Variants in LRBA observed in about 807,000 individuals in gnomAD.
LRBA encodes the protein LPS responsive beige-like anchor protein, also known as lipopolysaccharide-responsive and beige-like anchor protein.
LRBA carries 176 observed loss-of-function variants against 330.0 expected under a neutral mutation model. The observed-to-expected ratio is 0.53, with a 90% confidence interval of 0.47 to 0.60. The LOEUF (loss-of-function observed/expected upper bound fraction) is 0.60, where lower values mean the gene tolerates loss of function less well. LRBA is among the 20% of genes least tolerant of loss of function. The pLI, the probability that LRBA is intolerant of heterozygous loss-of-function variation, is 0.00. For missense variants in LRBA, 3,259 were observed against 3,444.8 expected (o/e 0.95, Z 1.35); for synonymous variants, 1,230 against 1,193.0 (o/e 1.03, Z -0.64).
chr4:150,937,265 A>G (rs553500976), intron 2 of LRBA, among the ~76,000 whole-genome samples: 1 of 152,244 alleles, frequency 6.6e-6, no homozygotes, highest in African/African-American at 2.4e-5. Context: ...GGTCTACAGT[A>G]TGTCATGTTA....
At chr4:150,817,318 GA>G in intron 30 of LRBA, 61 bp from the exon 31 acceptor site, 1 of 1,480,884 alleles carries the variant, frequency 6.8e-7, no homozygotes. Context: ...TTAATTACAT[GA>G]ATTTCAAAAC....
In LRBA at chr4:150,504,261, G is replaced by A. The variant is rs181944553; in HGVS notation, c.6331-13226C>T. ...AGAGAACGCCACAAAGATACTCCTC[G>A]AGAAGAGCAACTCCAAGACCCATAA... On this transcript the variant is annotated intron_variant, in intron 40 of 56. Transcript: ENST00000651943. Among the ~76,000 whole-genome samples, 640 of 152,164 alleles carry A rather than the reference G, an allele frequency of 4.2e-3. 4 individuals carry two copies. Among genetic ancestry groups the A allele is most frequent in the African/African-American group, 0.014 (574 of 41,498 alleles).
chr4:150,747,926 G>C lies in LRBA; in HGVS notation c.5646-12560C>G, dbSNP rs557259794. Among the ~76,000 whole-genome samples, 4 of 152,182 alleles carry C rather than the reference G, an allele frequency of 2.6e-5. No homozygotes were observed. The South Asian group carries it at 8.3e-4, about 32-fold the overall frequency. On this transcript the variant is annotated intron_variant, in intron 35 of 56. Transcript: ENST00000651943. The stretch of plus-strand genomic sequence containing the variant: ...ATATTTCAGACTCACAGGGCCAACT[G>C]TCCAACTAAAATCTTCACGTGGATA...
chr4:150,430,082 A>G (rs1425667165), intron 46 of LRBA, among the ~76,000 whole-genome samples: 3 of 152,116 alleles, frequency 2.0e-5, no homozygotes, highest in African/African-American at 2.4e-5. Context: ...GCCCAAGTCA[A>G]ATTTAATCTT....
intron 47 of LRBA, among the ~76,000 whole-genome samples, chr4:150,350,920 A>G (rs1035078172): frequency 2.6e-5 from 4 of 152,222 alleles, no homozygotes; most frequent in African/African-American, 9.6e-5. Flanking sequence ...CTATTTCAAC[A>G]TGTTTAACCA....
At chr4:150,702,519 A>T (rs1252559525) in intron 36 of LRBA, among the ~76,000 whole-genome samples, 1 of 152,122 alleles carries the variant, frequency 6.6e-6, no homozygotes, top group Non-Finnish European at 1.5e-5. Flanking sequence ...TTAGAATAAA[A>T]ATATTACAAG....
At chr4:150,872,892 T>TA (rs1280243352) in intron 17 of LRBA, 137 bp from the exon 18 acceptor site, 7 of 449,420 alleles carry the variant, frequency 1.6e-5, no homozygotes, top group East Asian at 1.2e-4. Context: ...TTTCTGTATA[T>TA]AAAAAATCTG....
intron 34 of LRBA, among the ~76,000 whole-genome samples, chr4:150,775,086 TC>T (rs776708717): frequency 3.9e-4 from 59 of 152,154 alleles, no homozygotes; most frequent in Non-Finnish European, 6.2e-4. Context: ...ACCACTTGGC[TC>T]CTGCCAGCTC....
At chr4:150,749,679 A>AT (rs1582234383) in intron 35 of LRBA, among the ~76,000 whole-genome samples, 1 of 152,148 alleles carries the variant, frequency 6.6e-6, no homozygotes, top group East Asian at 1.9e-4. Flanking sequence ...GGAGGATCAC[A>AT]TTAGCTAGGA....
At chr4:150,384,066 T>G (rs1257646431) in intron 47 of LRBA, among the ~76,000 whole-genome samples, 1 of 151,540 alleles carries the variant, frequency 6.6e-6, no homozygotes, top group Non-Finnish European at 1.5e-5. Context: ...TGAGACAGAG[T>G]TTTGTTCTTG....
At chr4:150,839,418 C>T (rs1039044490) in intron 28 of LRBA, among the ~76,000 whole-genome samples, 6 of 152,306 alleles carry the variant, frequency 3.9e-5, no homozygotes, top group Admixed American at 3.9e-4. Flanking sequence ...AATCATGCTG[C>T]TATAAAGACA....
chr4:150,868,924 C>A (rs1467595082), intron 20 of LRBA, among the ~76,000 whole-genome samples: 2 of 151,800 alleles, frequency 1.3e-5, no homozygotes, highest in Non-Finnish European at 2.9e-5. Flanking sequence ...AGCGACACAG[C>A]AAGACTCTGT....
intron 2 of LRBA, among the ~76,000 whole-genome samples, chr4:150,971,717 A>G (rs1739599403): frequency 6.6e-6 from 1 of 152,346 alleles, no homozygotes; most frequent in South Asian, 2.1e-4. Context: ...AGCTATAAAC[A>G]AATGAAACAT....
intron 34 of LRBA, among the ~76,000 whole-genome samples, chr4:150,763,723 T>G (rs1435994496): frequency 6.6e-6 from 1 of 151,562 alleles, no homozygotes; most frequent in Non-Finnish European, 1.5e-5. Flanking sequence ...CACAGAGAGA[T>G]AAGACTCAAA....
intron 34 of LRBA, 145 bp from the exon 35 acceptor site, chr4:150,761,992 T>C: frequency 1.8e-6 from 1 of 567,678 alleles, no homozygotes; most frequent in Non-Finnish European, 3.2e-6. Flanking sequence ...CAGGTAATAC[T>C]GAAAAGTATA....
chr4:150,273,508 A>ATT (rs2126721568), intron 56 of LRBA, among the ~76,000 whole-genome samples: 1 of 152,326 alleles, frequency 6.6e-6, no homozygotes, highest in South Asian at 2.1e-4. Context: ...ATTAAAAGAC[A>ATT]CAGACTGGCA....
intron 46 of LRBA, among the ~76,000 whole-genome samples, chr4:150,434,271 TA>T (rs1010381682): frequency 7.9e-5 from 12 of 151,256 alleles, no homozygotes; most frequent in African/African-American, 2.7e-4. Context: ...AGACACCATT[TA>T]AAAAAAAATA....
At chr4:150,375,001 C>CG (rs1741026933) in intron 47 of LRBA, among the ~76,000 whole-genome samples, 2 of 152,102 alleles carry the variant, frequency 1.3e-5, no homozygotes, top group African/African-American at 4.8e-5. Context: ...CAAAAAGCAT[C>CG]AAGGGAACCA....
At chr4:150,995,408 G>A (rs182250626) in intron 2 of LRBA, among the ~76,000 whole-genome samples, 14 of 151,682 alleles carry the variant, frequency 9.2e-5, no homozygotes, top group Non-Finnish European at 1.3e-4. Context: ...CAGAAGAAAC[G>A]ATGAGGAACA....
Sources: allele counts gnomAD v4.1 joint callset (sites outside exome capture counted in the v4.1 genomes callset), GRCh38; gene constraint gnomAD v4.1.1; transcripts MANE v1.5; gene names NCBI Gene and HGNC (gene_info 2026-07-23, HGNC 2026-07-21).